Variants in RHOJ observed in about 807,000 individuals in gnomAD.
The protein encoded by RHOJ is rho-related GTP-binding protein RhoJ.
In RHOJ, 11 loss-of-function variants were observed where a neutral mutation model predicts 23.4. The ratio of observed to expected loss-of-function variants is 0.47; its 90% CI spans 0.30 to 0.78. The LOEUF (loss-of-function observed/expected upper bound fraction) is 0.78, where lower values mean the gene tolerates loss of function less well. Among genes scored for constraint, RHOJ ranks in the 30% least tolerant of loss-of-function variants. The pLI is 0.08. For missense variants in RHOJ, 254 were observed against 273.4 expected (o/e 0.93, Z 0.50); for synonymous variants, 102 against 102.7 (o/e 0.99, Z 0.04).
chr14:63,259,597 A>G (rs994513306), intron 1 of RHOJ, among the ~76,000 whole-genome samples: 2 of 152,250 alleles, frequency 1.3e-5, no homozygotes, highest in Non-Finnish European at 2.9e-5. Flanking sequence ...TTCTGAGAAC[A>G]TACTTAATAA....
In RHOJ at chr14:63,291,147, C is replaced by A; in HGVS notation, c.*123C>A. The stretch of plus-strand genomic sequence containing the variant: ...GAACTCCCTTTGCACGGAGGCTTGC[C>A]CCATCACCCTCTGAGCCCTCCCAAC... On this transcript the variant is annotated 3_prime_UTR_variant, in exon 5 of 5. Transcript: ENST00000316754. 1 of 1,134,210 alleles carries A rather than the reference C, an allele frequency of 8.8e-7. No individual in the cohort carries two copies. Among genetic ancestry groups the A allele is most frequent in the Non-Finnish European group, 1.3e-6 (1 of 768,228 alleles). 70.3% of individuals were successfully genotyped at this position (1,134,210 alleles called of 1,614,324 possible). A position where few individuals can be genotyped will look rare whatever the true frequency, so the allele number is the denominator to read the frequency against.
intron 2 of RHOJ, among the ~76,000 whole-genome samples, chr14:63,273,861 C>T (rs541307839): frequency 5.9e-5 from 9 of 152,170 alleles, no homozygotes; most frequent in African/African-American, 1.2e-4. Flanking sequence ...CCTGGCCAGG[C>T]GCCTGGTTCT....
chr14:63,275,134 A>G (rs2139659692), intron 2 of RHOJ, among the ~76,000 whole-genome samples: 1 of 152,214 alleles, frequency 6.6e-6, no homozygotes, highest in East Asian at 1.9e-4. Context: ...AGCCTGGGCA[A>G]CATAGCGAGA....
In RHOJ at chr14:63,204,631, C is replaced by T. The variant is rs113692720; in HGVS notation, c.-239C>T. ...GAAAATGAGGGTTTCTTAACTCACACTGAGAGCGGAAAGGGGCAGACCCTT... is the reference window on the plus strand; with the variant it reads ...GAAAATGAGGGTTTCTTAACTCACATTGAGAGCGGAAAGGGGCAGACCCTT... On this transcript the variant is annotated 5_prime_UTR_variant, in exon 1 of 5. Coordinates refer to ENST00000316754, the MANE Select transcript of RHOJ (RefSeq NM_020663.5). 7.3e-5 allele frequency: 40 copies of T among 550,064 alleles called. No individual in the cohort carries two copies. The highest frequency in any genetic ancestry group is 5.9e-4 in the African/African-American group (31 of 52,720). 34.1% of individuals were successfully genotyped at this position (550,064 alleles called of 1,614,324 possible).
chr14:63,231,827 C>G (rs1422592556), intron 1 of RHOJ, among the ~76,000 whole-genome samples: 1 of 152,056 alleles, frequency 6.6e-6, no homozygotes, highest in African/African-American at 2.4e-5. Flanking sequence ...CTTTTTTTGT[C>G]CTTTTGTAAT....
intron 1 of RHOJ, among the ~76,000 whole-genome samples, chr14:63,207,971 A>G (rs995784985): frequency 1.3e-4 from 20 of 152,228 alleles, no homozygotes; most frequent in African/African-American, 4.6e-4. Context: ...TAATTAAAAG[A>G]TAAAGACTAC....
Position 63,210,836 on chromosome 14 carries a change from C to T in RHOJ, c.178+5789C>T, listed in dbSNP as rs372775752. Among the ~76,000 whole-genome samples the T allele has an allele frequency of 2.0e-5, 3 of 152,296 alleles. No individual in the cohort carries two copies. In the East Asian group the frequency reaches 5.8e-4, roughly 29 times the overall value. On this transcript the variant is annotated intron_variant, in intron 1 of 4. Coordinates refer to ENST00000316754, the MANE Select transcript of RHOJ (RefSeq NM_020663.5). ...AAAATAAGCTCATTCCAGCTGAAAC[C>T]TCTTTACGATGTTCACCATTTCCAC...
intron 1 of RHOJ, among the ~76,000 whole-genome samples, chr14:63,244,120 C>T (rs759247581): frequency 6.6e-6 from 1 of 152,128 alleles, no homozygotes; most frequent in Non-Finnish European, 1.5e-5. Context: ...GATAGAGCTT[C>T]GACTTCATAG....
At chr14:63,205,546 A>G (rs963013517) in intron 1 of RHOJ, among the ~76,000 whole-genome samples, 2 of 152,236 alleles carry the variant, frequency 1.3e-5, no homozygotes, top group African/African-American at 2.4e-5. Context: ...TTGGTGCTAT[A>G]ATACTATAGT....
intron 1 of RHOJ, among the ~76,000 whole-genome samples, chr14:63,212,169 A>G (rs767928279): frequency 6.6e-6 from 1 of 152,176 alleles, no homozygotes; most frequent in Non-Finnish European, 1.5e-5. Context: ...TTGAATGGAA[A>G]GTTTTATGGG....
intron 2 of RHOJ, among the ~76,000 whole-genome samples, chr14:63,271,022 T>A (rs1322782781): frequency 6.6e-6 from 1 of 152,222 alleles, no homozygotes; most frequent in Non-Finnish European, 1.5e-5. Flanking sequence ...AGAAAAAATT[T>A]AAATAATACT....
chr14:63,271,509 A>G (rs1895468638), intron 2 of RHOJ, among the ~76,000 whole-genome samples: 1 of 152,142 alleles, frequency 6.6e-6, no homozygotes, highest in African/African-American at 2.4e-5. Flanking sequence ...GCTTGTCAAA[A>G]CTCAGCTACT....
intron 1 of RHOJ, among the ~76,000 whole-genome samples, chr14:63,211,394 G>T (rs1402423626): frequency 6.6e-6 from 1 of 152,114 alleles, no homozygotes; most frequent in Non-Finnish European, 1.5e-5. Flanking sequence ...GAGCCTAGAA[G>T]TTCAAAGTTA....
At chr14:63,287,993 G>A (rs988155211) in intron 4 of RHOJ, among the ~76,000 whole-genome samples, 1 of 152,052 alleles carries the variant, frequency 6.6e-6, no homozygotes, top group Admixed American at 6.5e-5. Context: ...TCCTTGAACC[G>A]GGATGAATTC....
At chr14:63,249,270 A>C (rs934699204) in intron 1 of RHOJ, among the ~76,000 whole-genome samples, 16 of 152,222 alleles carry the variant, frequency 1.1e-4, no homozygotes, top group African/African-American at 3.6e-4. Context: ...CACATGAATC[A>C]TTTCTGATAG....
At chr14:63,254,765 A>G (rs991292745) in intron 1 of RHOJ, among the ~76,000 whole-genome samples, 2 of 152,144 alleles carry the variant, frequency 1.3e-5, no homozygotes, top group Non-Finnish European at 2.9e-5. Context: ...ACAGGCTGCC[A>G]TGGTAGACAG....
intron 1 of RHOJ, among the ~76,000 whole-genome samples, chr14:63,221,111 G>T (rs1453088572): frequency 6.6e-6 from 1 of 152,030 alleles, no homozygotes; most frequent in Non-Finnish European, 1.5e-5. Context: ...GAGAGATTGC[G>T]TGAGTCCAGG....
chr14:63,266,958 G>A (rs190085232), intron 1 of RHOJ, among the ~76,000 whole-genome samples: 107 of 152,124 alleles, frequency 7.0e-4, no homozygotes, highest in African/African-American at 2.2e-3. Flanking sequence ...TGCCCCTGCC[G>A]CAAGCCCCCA....
intron 1 of RHOJ, among the ~76,000 whole-genome samples, chr14:63,246,001 T>C (rs73266495): frequency 6.6e-6 from 1 of 152,300 alleles, no homozygotes; most frequent in African/African-American, 2.4e-5. Context: ...GGAGACTCCA[T>C]AGTGCAAGGA....
Sources: allele counts gnomAD v4.1 joint callset (sites outside exome capture counted in the v4.1 genomes callset), GRCh38; gene constraint gnomAD v4.1.1; transcripts MANE v1.5; gene names NCBI Gene and HGNC (gene_info 2026-07-23, HGNC 2026-07-21).